The following EPHA4 variants were observed in gnomAD, a reference collection of about 807,000 sequenced individuals.
EPHA4 encodes the protein EPH receptor A4.
EPHA4 carries 19 observed loss-of-function variants against 108.3 expected under a neutral mutation model. That is an observed-to-expected ratio of 0.18 (90% CI 0.12 to 0.26). The LOEUF is 0.26. Ranked by LOEUF, EPHA4 falls within the 10% of genes least tolerant of loss-of-function variation. EPHA4 has a pLI of 1.00. For synonymous variants in EPHA4, 449 were observed against 455.5 expected (o/e 0.99, Z 0.18); for missense variants, 917 against 1,254.0 (o/e 0.73, Z 4.06).
At chr2:221,554,507 G>A (rs565051947) in intron 3 of EPHA4, among the ~76,000 whole-genome samples, 3 of 152,248 alleles carry the variant, frequency 2.0e-5, no homozygotes, top group African/African-American at 7.2e-5. Context: ...TATGCAGTAC[G>A]CTTGCCTTCC....
At chr2:221,441,656 G>A (rs928455035) in intron 11 of EPHA4, among the ~76,000 whole-genome samples, 1 of 152,106 alleles carries the variant, frequency 6.6e-6, no homozygotes, top group African/African-American at 2.4e-5. Flanking sequence ...TGCTAAAAGA[G>A]CATTATTTGT....
intron 4 of EPHA4, among the ~76,000 whole-genome samples, chr2:221,490,541 T>C (rs553197635): frequency 1.3e-5 from 2 of 152,322 alleles, no homozygotes; most frequent in African/African-American, 4.8e-5. Flanking sequence ...CTCACTAAAA[T>C]GCTAAGGCAA....
intron 3 of EPHA4, among the ~76,000 whole-genome samples, chr2:221,510,479 C>A (rs1692794381): frequency 2.0e-5 from 3 of 152,104 alleles, no homozygotes; most frequent in Non-Finnish European, 4.4e-5. Flanking sequence ...TTTTTCCCCT[C>A]TTACCTTGGA....
At chr2:221,547,904 G>C (rs1474978591) in intron 3 of EPHA4, among the ~76,000 whole-genome samples, 2 of 152,174 alleles carry the variant, frequency 1.3e-5, no homozygotes, top group Non-Finnish European at 2.9e-5. Context: ...ATTAAAACTG[G>C]TAGAGCACTT....
intron 3 of EPHA4, among the ~76,000 whole-genome samples, chr2:221,523,762 A>AT (rs1447500418): frequency 1.4e-5 from 2 of 147,744 alleles, no homozygotes; most frequent in Non-Finnish European, 3.0e-5. Context: ...CCTGGCTAAT[A>AT]TTTTTTGCAT....
At chr2:221,424,793 A>G (rs1302752943) in intron 17 of EPHA4, among the ~76,000 whole-genome samples, 1 of 152,206 alleles carries the variant, frequency 6.6e-6, no homozygotes, top group Non-Finnish European at 1.5e-5. Flanking sequence ...TAAACTCTCC[A>G]AAGGACGGGA....
chr2:221,504,233 T>G (rs893888944), intron 3 of EPHA4, among the ~76,000 whole-genome samples: 6 of 152,226 alleles, frequency 3.9e-5, no homozygotes, highest in Admixed American at 6.5e-5. Context: ...CTTGATCTTC[T>G]AGATATGCCA....
chr2:221,510,987 G>T (rs917113544), intron 3 of EPHA4, among the ~76,000 whole-genome samples: 6 of 152,198 alleles, frequency 3.9e-5, no homozygotes, highest in Non-Finnish European at 8.8e-5. Context: ...AAGATTGCTA[G>T]CTCCAATCTC....
chr2:221,477,771 T>C (rs1161317156), intron 5 of EPHA4, among the ~76,000 whole-genome samples: 1 of 152,196 alleles, frequency 6.6e-6, no homozygotes, highest in African/African-American at 2.4e-5. Context: ...AAGCCTTACT[T>C]CTTCAGGTTC....
chr2:221,506,743 T>G (rs542461387), intron 3 of EPHA4, among the ~76,000 whole-genome samples: 6 of 152,340 alleles, frequency 3.9e-5, no homozygotes, highest in African/African-American at 1.4e-4. Flanking sequence ...CAAAATCATC[T>G]CATCCAGGAA....
intron 5 of EPHA4, 36 bp downstream of exon 5, chr2:221,482,316 A>G (rs978259077): frequency 6.6e-7 from 1 of 1,519,726 alleles, no homozygotes; most frequent in South Asian, 1.2e-5. Context: ...CTCTGTATAC[A>G]TTCAGATCAT....
chr2:221,487,378 G>A (rs137960559), intron 4 of EPHA4, among the ~76,000 whole-genome samples: 35 of 152,276 alleles, frequency 2.3e-4, no homozygotes, highest in African/African-American at 8.4e-4. Context: ...CGACGGCTGG[G>A]AATTTGAAAT....
rs1691859063 is a variant in EPHA4, at chr2:221,482,655, C to T, written c.1015G>A (p.Val339Ile). Reference protein sequence around the residue: ...PSAPLNLISNVNETSVNLEWS... With the variant: ...PSAPLNLISNINETSVNLEWS... Reference sequence around the variant, plus strand: ...TCCAAGTTCACAGATGTCTCGTTGACATTTGAAATCAAGTTCAGGGGAGCA... The same window carrying T: ...TCCAAGTTCACAGATGTCTCGTTGATATTTGAAATCAAGTTCAGGGGAGCA... The change falls in exon 5 of 18, where the codon GTC (valine) becomes ATC (isoleucine). Residue 339 changes from valine to isoleucine, a missense_variant. Physicochemically the swap from Val to Ile is conservative, Grantham distance 29. Coordinates refer to ENST00000281821, the MANE Select transcript of EPHA4 (RefSeq NM_004438.5). 4 of 1,601,360 alleles carry T rather than the reference C, an allele frequency of 2.5e-6. No individual in the cohort carries two copies. Among genetic ancestry groups the T allele is most frequent in the Non-Finnish European group, 3.4e-6 (4 of 1,169,482 alleles).
intron 3 of EPHA4, 56 bp from the exon 4 acceptor site, chr2:221,501,228 C>T (rs946600512): frequency 3.5e-6 from 5 of 1,435,800 alleles, no homozygotes; most frequent in Non-Finnish European, 3.7e-6. Context: ...TAGACCAAAG[C>T]AAAAATGCAA....
At chr2:221,524,441 G>A (rs1480511365) in intron 3 of EPHA4, among the ~76,000 whole-genome samples, 2 of 152,210 alleles carry the variant, frequency 1.3e-5, no homozygotes, top group African/African-American at 4.8e-5. Context: ...GAATGAGAAT[G>A]AGGATGTAGG....
In EPHA4 at chr2:221,499,741, TATATATATATATATA is replaced by T. The variant is rs1192628045; in HGVS notation, c.979+1261_979+1275del. On this transcript the variant is annotated intron_variant, in intron 4 of 17. Coordinates refer to ENST00000281821, the MANE Select transcript of EPHA4 (RefSeq NM_004438.5). ...ATATATATATATATATATATATATA[TATATATATATATATA>T]TTTTTTTTTTTTTTTTTTGAGACAG... 3.0e-4 allele frequency among the ~76,000 whole-genome samples: 17 copies of T among 57,416 alleles called. 1 individual carries two copies. The highest frequency in any genetic ancestry group is 1.1e-3 in the African/African-American group (12 of 10,468). The allele number at this position is 57,416 out of a possible 152,430, so 37.7% of individuals were successfully genotyped here. A position where few individuals can be genotyped will look rare whatever the true frequency, so the allele number is the denominator to read the frequency against.
chr2:221,558,841 C>T (rs1258562842), intron 3 of EPHA4, among the ~76,000 whole-genome samples: 1 of 152,124 alleles, frequency 6.6e-6, no homozygotes, highest in African/African-American at 2.4e-5. Flanking sequence ...TGATCACAGC[C>T]ATGCTTCAAA....
chr2:221,458,025 C>T (rs1691018154), intron 5 of EPHA4, 35 bp from the exon 6 acceptor site: 5 of 1,590,584 alleles, frequency 3.1e-6, no homozygotes, highest in Admixed American at 3.6e-5. Context: ...AAGATATTTT[C>T]TTTAGGAAAA....
intron 3 of EPHA4, among the ~76,000 whole-genome samples, chr2:221,541,719 G>C (rs1161742375): frequency 6.6e-6 from 1 of 152,170 alleles, no homozygotes; most frequent in African/African-American, 2.4e-5. Flanking sequence ...CCTTGGTCTG[G>C]ACCAGCAGTA....
Sources: allele counts gnomAD v4.1 joint callset (sites outside exome capture counted in the v4.1 genomes callset), GRCh38; gene constraint gnomAD v4.1.1; transcripts MANE v1.5; gene names NCBI Gene and HGNC (gene_info 2026-07-23, HGNC 2026-07-21).